Variants in ANKRD31 observed in about 807,000 individuals in gnomAD.
ANKRD31 encodes ankyrin repeat domain-containing protein 31.
In ANKRD31, 147 loss-of-function variants were observed where a neutral mutation model predicts 186.0. That is an observed-to-expected ratio of 0.79 (90% CI 0.69 to 0.91). ANKRD31 has a LOEUF of 0.91. Among genes scored for constraint, ANKRD31 ranks in the 40% least tolerant of loss-of-function variants. ANKRD31 has a pLI of 0.00. For missense variants in ANKRD31, 1,986 were observed against 2,148.8 expected, an observed-to-expected ratio of 0.92 and a Z score of 1.50; for synonymous variants, 673 against 736.4, an observed-to-expected ratio of 0.91 and a Z score of 1.39.
chr5:75,081,481 T>C (rs577774650), intron 24 of ANKRD31, among the ~76,000 whole-genome samples: 27 of 152,258 alleles, frequency 1.8e-4, no homozygotes, highest in Admixed American at 1.7e-3. Context: ...AAAAGGGAGA[T>C]TGTGTGCCCT....
chr5:75,089,392 C>G (rs888726392), intron 23 of ANKRD31, among the ~76,000 whole-genome samples: 2 of 152,192 alleles, frequency 1.3e-5, no homozygotes, highest in Non-Finnish European at 2.9e-5. Flanking sequence ...TGTTTTCTGG[C>G]ATTCCTTGCC....
chr5:75,236,304 A>C (rs763347156), intron 1 of ANKRD31, among the ~76,000 whole-genome samples: 4 of 152,202 alleles, frequency 2.6e-5, no homozygotes, highest in Admixed American at 6.5e-5. Flanking sequence ...TTGTGCAAAA[A>C]GACTTAAAGC....
chr5:75,105,032 G>C lies in ANKRD31; in HGVS notation c.4527C>G (p.Ile1509Met). ...GCTCTTGGCTGTCTTTTTCACTAGA[G>C]ATTTCTGATCTGGGTGGGAGCTTCC... ...SLRKLPPRSE[I>M]SSEKDSQELT... The change falls in exon 22 of 26, where the codon ATC becomes ATG. Residue 1509 changes from isoleucine to methionine, a missense_variant. Coordinates refer to ENST00000506364, the MANE Select transcript of ANKRD31 (RefSeq NM_001372053.1). The C allele has an allele frequency of 6.5e-7, 1 of 1,536,756 alleles. No homozygotes were observed.
chr5:75,076,806 T>C (rs1461328563), intron 25 of ANKRD31, among the ~76,000 whole-genome samples: 2 of 152,128 alleles, frequency 1.3e-5, no homozygotes, highest in East Asian at 3.9e-4. Context: ...CTTGGAAAAT[T>C]CCAAGAGTTT....
At chr5:75,136,555 C>T (rs1750592750) in intron 17 of ANKRD31, among the ~76,000 whole-genome samples, 1 of 152,236 alleles carries the variant, frequency 6.6e-6, no homozygotes, top group South Asian at 2.1e-4. Context: ...AACACTTTTA[C>T]ACCATTGGTG....
chr5:75,124,316 C>T (rs1749030913), intron 17 of ANKRD31, among the ~76,000 whole-genome samples: 2 of 152,086 alleles, frequency 1.3e-5, no homozygotes, highest in Non-Finnish European at 2.9e-5. Flanking sequence ...AAAGGGAATG[C>T]TTATACACTG....
rs1750810919 is a variant in ANKRD31, at chr5:75,138,930, G to A, written c.3649C>T (p.His1217Tyr). The A allele has an allele frequency of 6.5e-7, 1 of 1,536,870 alleles. No individual in the cohort carries two copies. The highest frequency in any genetic ancestry group is 2.0e-5 in the Admixed American group (1 of 50,986). The change falls in exon 16 of 26, where the codon CAT (histidine) becomes TAT (tyrosine). Residue 1217 changes from histidine (H) to tyrosine (Y), a missense_variant. Transcript: ENST00000506364. ...AGATTTCCTCTTCTGACAGCTAAAT[G>A]AAGCTGGCTTTCCCCTCTGGCATTC... The part of the protein sequence containing the change: ...KRNARGESQL[H>Y]LAVRRGNLPL...
intron 6 of ANKRD31, among the ~76,000 whole-genome samples, chr5:75,198,382 G>A (rs1266803449): frequency 2.0e-5 from 3 of 152,076 alleles, no homozygotes; most frequent in Non-Finnish European, 2.9e-5. Flanking sequence ...AAAGCCTAGT[G>A]TCTTGCAAAA....
At position 75,138,878 on chromosome 5, in the gene ANKRD31, G is replaced by A. The variant is rs929398871; in HGVS notation, c.3701C>T (p.Ser1234Phe). 6.5e-7 allele frequency: 1 copy of A among 1,536,586 alleles called. No homozygotes were observed. The highest frequency in any genetic ancestry group is 8.7e-7 in the Non-Finnish European group (1 of 1,146,582). ...ATCATTTAGATTCACATCTGCTCCA[G>A]ATTCTATCAGGGCTTTCACTAGGGG... ...NLPLVKALIE[S>F]GADVNLNDNA... The change falls in exon 16 of 26, where the codon TCT (serine) becomes TTT (phenylalanine). Residue 1234 changes from serine (S) to phenylalanine (F), a missense_variant. Coordinates refer to ENST00000506364, the MANE Select transcript of ANKRD31 (RefSeq NM_001372053.1).
At chr5:75,183,139 CAGAA>C (rs1412875449) in intron 10 of ANKRD31, among the ~76,000 whole-genome samples, 2 of 152,116 alleles carry the variant, frequency 1.3e-5, no homozygotes, top group Non-Finnish European at 2.9e-5. Context: ...ATCACATTAA[CAGAA>C]AGAAAGACAA....
chr5:75,109,623 T>A (rs779384313), intron 20 of ANKRD31, among the ~76,000 whole-genome samples: 2 of 152,182 alleles, frequency 1.3e-5, no homozygotes, highest in Non-Finnish European at 2.9e-5. Flanking sequence ...GGCTTCCTTC[T>A]TGAACACCTA....
At chr5:75,073,792 G>GTC (rs1290601954) in intron 25 of ANKRD31, among the ~76,000 whole-genome samples, 4 of 152,028 alleles carry the variant, frequency 2.6e-5, no homozygotes, top group African/African-American at 4.8e-5. Flanking sequence ...GATAAACCTG[G>GTC]TCTCTCTCTC....
At chr5:75,166,665 T>G (rs1042617199) in intron 11 of ANKRD31, among the ~76,000 whole-genome samples, 2 of 152,176 alleles carry the variant, frequency 1.3e-5, no homozygotes. Flanking sequence ...AAAGTTTTGA[T>G]AGCTTATTTC....
chr5:75,150,024 T>C (rs1751738513), intron 12 of ANKRD31, among the ~76,000 whole-genome samples: 2 of 151,840 alleles, frequency 1.3e-5, no homozygotes, highest in African/African-American at 2.4e-5. Context: ...TATTTAGTGA[T>C]ATAGCTATAT....
intron 10 of ANKRD31, among the ~76,000 whole-genome samples, chr5:75,180,222 T>A (rs1276134205): frequency 6.6e-6 from 1 of 152,036 alleles, no homozygotes; most frequent in East Asian, 1.9e-4. Context: ...CACTGCTCAA[T>A]GAAATGAAAG....
chr5:75,204,913 G>A (rs1261009963), intron 5 of ANKRD31, among the ~76,000 whole-genome samples: 3 of 152,170 alleles, frequency 2.0e-5, no homozygotes, highest in Admixed American at 2.0e-4. Flanking sequence ...TTGAGATAGG[G>A]TCTCACTCTG....
intron 23 of ANKRD31, among the ~76,000 whole-genome samples, chr5:75,085,588 T>A (rs976668925): frequency 4.6e-5 from 7 of 152,134 alleles, no homozygotes; most frequent in African/African-American, 1.7e-4. Context: ...TTTTAGTAGA[T>A]ACAGGGTTTT....
At chr5:75,167,743 G>C (rs528513393) in intron 11 of ANKRD31, among the ~76,000 whole-genome samples, 2 of 152,256 alleles carry the variant, frequency 1.3e-5, no homozygotes, top group African/African-American at 4.8e-5. Flanking sequence ...AGGCAGAAAT[G>C]GATTAGAGCC....
At chr5:75,189,920 C>G (rs1224820775) in intron 9 of ANKRD31, among the ~76,000 whole-genome samples, 2 of 151,984 alleles carry the variant, frequency 1.3e-5, no homozygotes, top group Non-Finnish European at 2.9e-5. Context: ...AGTGTAAAAC[C>G]AATCTTGAAT....
Sources: allele counts gnomAD v4.1 joint callset (sites outside exome capture counted in the v4.1 genomes callset), GRCh38; gene constraint gnomAD v4.1.1; transcripts MANE v1.5; gene names NCBI Gene and HGNC (gene_info 2026-07-23, HGNC 2026-07-21).